Variants in CACNA1B observed in about 807,000 individuals in gnomAD.
CACNA1B encodes voltage-dependent N-type calcium channel subunit alpha-1B.
CACNA1B carries 70 observed loss-of-function variants against 247.2 expected under a neutral mutation model. That is an observed-to-expected ratio of 0.28 (90% CI 0.23 to 0.35). CACNA1B has a LOEUF of 0.35. Among genes scored for constraint, CACNA1B ranks in the 10% least tolerant of loss-of-function variants. CACNA1B has a pLI of 1.00. For synonymous variants in CACNA1B, 1,231 were observed against 1,294.4 expected (o/e 0.95, Z 1.05); for missense variants, 2,367 against 3,197.4 (o/e 0.74, Z 6.26).
intron 15 of CACNA1B, among the ~76,000 whole-genome samples, chr9:138,000,256 G>C (rs373149955): frequency 6.6e-6 from 1 of 151,826 alleles, no homozygotes; most frequent in Non-Finnish European, 1.5e-5. Context: ...CCGCCACTAC[G>C]CCCGGCTAAT....
chr9:137,971,161 T>C lies in CACNA1B; in HGVS notation c.1334-222T>C, dbSNP rs570163441. On this transcript the variant is annotated intron_variant, in intron 10 of 46. Coordinates refer to ENST00000371372, the MANE Select transcript of CACNA1B (RefSeq NM_000718.4). The surrounding 1 kb of genome is among the most constrained non-coding windows in gnomAD (Gnocchi z 4.4). The stretch of plus-strand genomic sequence containing the variant: ...GAGAAGTGAGTACAGATCATCCACT[T>C]CAATCTGGCTCTCACATCTGGCACC... Among the ~76,000 whole-genome samples the C allele has an allele frequency of 1.3e-5, 2 of 152,222 alleles. No homozygotes were observed. The highest frequency in any genetic ancestry group is 3.9e-4 in the East Asian group (2 of 5,184).
intron 20 of CACNA1B, among the ~76,000 whole-genome samples, chr9:138,042,337 C>T (rs1959135006): frequency 6.6e-6 from 1 of 152,178 alleles, no homozygotes; most frequent in African/African-American, 2.4e-5. Flanking sequence ...GTAATCCCAG[C>T]TACTCGGGAT....
intron 3 of CACNA1B, among the ~76,000 whole-genome samples, chr9:137,887,091 G>A (rs534097226): frequency 1.3e-5 from 2 of 151,906 alleles, no homozygotes; most frequent in African/African-American, 4.8e-5. Context: ...GTGGCAGCTG[G>A]CGGTGAGGTT....
chr9:137,880,704 G>T lies in CACNA1B; in HGVS notation c.390+1545G>T, dbSNP rs530590867. Among the ~76,000 whole-genome samples the T allele has an allele frequency of 1.3e-5, 2 of 152,164 alleles. No homozygotes were observed. Among genetic ancestry groups the T allele is most frequent in the Non-Finnish European group, 1.5e-5 (1 of 68,012 alleles). ...ATGCCCGCCCTGAGCCAGCCTAGAG[G>T]TCTGGGGAGCTCTTGACCAGTCCCA... On this transcript the variant is annotated intron_variant, in intron 2 of 46. Coordinates refer to ENST00000371372, the MANE Select transcript of CACNA1B (RefSeq NM_000718.4). The surrounding 1 kb of genome is among the most constrained non-coding windows in gnomAD (Gnocchi z 4.8).
chr9:138,083,793 C>G (rs1428820143), intron 36 of CACNA1B, among the ~76,000 whole-genome samples: 1 of 150,394 alleles, frequency 6.6e-6, no homozygotes, highest in Non-Finnish European at 1.5e-5. Context: ...AGTTCCCTGC[C>G]TCCCCAGGGC....
intron 6 of CACNA1B, among the ~76,000 whole-genome samples, chr9:137,933,433 C>G (rs1802795645): frequency 6.6e-6 from 1 of 152,158 alleles, no homozygotes; most frequent in African/African-American, 2.4e-5. Flanking sequence ...AATTTTAGCT[C>G]TGTGTACATT....
chr9:138,046,259 C>T (rs1049879368), intron 21 of CACNA1B, among the ~76,000 whole-genome samples: 4 of 152,228 alleles, frequency 2.6e-5, no homozygotes, highest in East Asian at 1.9e-4. Flanking sequence ...GTTGAACAAG[C>T]GAGTCGGGCA....
chr9:138,029,780 T>C (rs1958966354), intron 20 of CACNA1B, among the ~76,000 whole-genome samples: 1 of 151,802 alleles, frequency 6.6e-6, no homozygotes, highest in Non-Finnish European at 1.5e-5. Flanking sequence ...ACATGGCTAA[T>C]TTTTTTGTAT....
rs1489484673 is a variant in CACNA1B, at chr9:137,914,404, A to C, written c.623-250A>C. 6.6e-6 allele frequency among the ~76,000 whole-genome samples: 1 copy of C among 151,570 alleles called. No individual in the cohort carries two copies. Among genetic ancestry groups the C allele is most frequent in the Non-Finnish European group, 1.5e-5 (1 of 67,958 alleles). On this transcript the variant is annotated intron_variant, in intron 4 of 46. Transcript: ENST00000371372. This position sits in a 1 kb window ranked among gnomAD's most constrained non-coding sequence, Gnocchi z 4.3. Reference sequence around the variant, plus strand: ...ATCCCACTCCTCTGCCTACTTTGAGACACTTCTCAGTCGACTTCTCTCTAG... The same window carrying C: ...ATCCCACTCCTCTGCCTACTTTGAGCCACTTCTCAGTCGACTTCTCTCTAG...
intron 12 of CACNA1B, among the ~76,000 whole-genome samples, chr9:137,979,219 C>T (rs1958264896): frequency 6.6e-6 from 1 of 152,200 alleles, no homozygotes; most frequent in Non-Finnish European, 1.5e-5. Flanking sequence ...CTGGGTATCT[C>T]TGGCGCAGGG....
chr9:137,969,771 T>C lies in CACNA1B; in HGVS notation c.1334-1612T>C, dbSNP rs193069637. Among the ~76,000 whole-genome samples, 90 of 152,314 alleles carry C rather than the reference T, an allele frequency of 5.9e-4. No homozygotes were observed. In the East Asian group the frequency reaches 0.013, roughly 23 times the overall value. ...TGTGACTCCTGTGTTCCTGCACAAC[T>C]GTGTGTGGGTGCATGGGGGGTTCAG... On this transcript the variant is annotated intron_variant, in intron 10 of 46. Transcript: ENST00000371372.
At position 138,007,753 on chromosome 9, in the gene CACNA1B, A is replaced by T. The variant is rs1958671268; in HGVS notation, c.2092+869A>T. ...ACTTTGAGAACTGCTGTGACAGAACACCCCACAGGGCCCCGAGGAGCTGGA... is the reference window on the plus strand; with the variant it reads ...ACTTTGAGAACTGCTGTGACAGAACTCCCCACAGGGCCCCGAGGAGCTGGA... On this transcript the variant is annotated intron_variant, in intron 16 of 46. Coordinates refer to ENST00000371372, the MANE Select transcript of CACNA1B (RefSeq NM_000718.4). This position sits in a 1 kb window ranked among gnomAD's most constrained non-coding sequence, Gnocchi z 4.1. 6.6e-6 allele frequency among the ~76,000 whole-genome samples: 1 copy of T among 151,732 alleles called. No individual in the cohort carries two copies. The highest frequency in any genetic ancestry group is 2.4e-5 in the African/African-American group (1 of 41,264).
At chr9:137,965,573 T>TTTTATTTATTTATTTATTTA (rs10586603) in intron 10 of CACNA1B, among the ~76,000 whole-genome samples, 1 of 148,522 alleles carries the variant, frequency 6.7e-6, no homozygotes, top group Non-Finnish European at 1.5e-5. Context: ...TCCTACTTCA[T>TTTTATTTATTTATTTATTTA]TTTATTTATT....
chr9:137,945,886 A>T (rs1317515021), intron 6 of CACNA1B, among the ~76,000 whole-genome samples: 1 of 152,116 alleles, frequency 6.6e-6, no homozygotes, highest in African/African-American at 2.4e-5. Context: ...TGATGCCATC[A>T]CAGCTCACTG....
Position 138,120,172 on chromosome 9 carries a change from C to A in CACNA1B, c.6038C>A (p.Thr2013Lys). Residue 2013 changes from threonine to lysine, a missense_variant, in exon 45 of 47, where the codon ACA becomes AAA. Thr to Lys is a moderately conservative substitution (Grantham distance 78). Transcript: ENST00000371372. ...TCAGTCCTTTGCCCACAGCCCGTCACAGATGCCAGCCCCATGAAGCGCTCC... is the reference window on the plus strand; with the variant it reads ...TCAGTCCTTTGCCCACAGCCCGTCAAAGATGCCAGCCCCATGAAGCGCTCC... ...PRLAAETQPVTDASPMKRSIS... is the reference protein window; with the variant it reads ...PRLAAETQPVKDASPMKRSIS... The A allele has an allele frequency of 6.2e-7, 1 of 1,601,730 alleles. No homozygotes were observed. The highest frequency in any genetic ancestry group is 8.5e-7 in the Non-Finnish European group (1 of 1,175,346).
rs1353435148 is a variant in CACNA1B at position 138,102,459 on chromosome 9, C to T, written c.5223-252C>T. Among the ~76,000 whole-genome samples, 1 of 152,180 alleles carries T rather than the reference C, an allele frequency of 6.6e-6. No individual in the cohort carries two copies. The highest frequency in any genetic ancestry group is 1.5e-5 in the Non-Finnish European group (1 of 68,032). On this transcript the variant is annotated intron_variant, in intron 37 of 46. Coordinates refer to ENST00000371372, the MANE Select transcript of CACNA1B (RefSeq NM_000718.4). The surrounding 1 kb of genome is among the most constrained non-coding windows in gnomAD (Gnocchi z 5.4). The stretch of plus-strand genomic sequence containing the variant: ...TCAGACGCCACCCCCGCCCACTGCC[C>T]CGCGTGGGGCTGGAGTGAGGAGGTG...
chr9:137,971,336 G>T lies in CACNA1B; in HGVS notation c.1334-47G>T. On this transcript the variant is annotated intron_variant, in intron 10 of 46. Coordinates refer to ENST00000371372, the MANE Select transcript of CACNA1B (RefSeq NM_000718.4). The surrounding 1 kb of genome is among the most constrained non-coding windows in gnomAD (Gnocchi z 4.4). The stretch of plus-strand genomic sequence containing the variant: ...GTGGGGGTCCACAGGTGGGGTAGGC[G>T]GGTGCCCATTGGTCCCCACATCCTC... 7.2e-7 allele frequency: 1 copy of T among 1,394,072 alleles called. No individual in the cohort carries two copies. The highest frequency in any genetic ancestry group is 1.0e-6 in the Non-Finnish European group (1 of 999,094). 86.4% of individuals were successfully genotyped at this position (1,394,072 alleles called of 1,614,324 possible).
intron 11 of CACNA1B, among the ~76,000 whole-genome samples, chr9:137,972,336 A>AG (rs1391655569): frequency 6.6e-6 from 1 of 152,148 alleles, no homozygotes; most frequent in East Asian, 1.9e-4. Flanking sequence ...TCCTGACCCC[A>AG]GGGGTCAGCT....
chr9:137,948,093 GC>G (rs1381889323), intron 6 of CACNA1B, among the ~76,000 whole-genome samples: 1 of 144,314 alleles, frequency 6.9e-6, no homozygotes, highest in Non-Finnish European at 1.5e-5. Flanking sequence ...CGATTTTCCT[GC>G]CTCAGGCTGT....
Sources: gnomAD v4.1 joint callset for allele counts (sites outside exome capture counted in the v4.1 genomes callset) on GRCh38, gnomAD v4.1.1 for gene constraint, Gnocchi (gnomAD v3.1) non-coding constraint, MANE v1.5 for transcripts, NCBI Gene and HGNC (gene_info 2026-07-23, HGNC 2026-07-21) for gene names.